Variants in AK4 observed in about 807,000 individuals in gnomAD.
AK4 encodes adenylate kinase 4, mitochondrial.
Under a neutral mutation model 24.6 loss-of-function variants are expected in AK4, and 13 were observed. The observed-to-expected ratio is 0.53, with a 90% CI of 0.34 to 0.84. AK4 has a LOEUF of 0.84. AK4 is among the 40% of genes least tolerant of loss of function. The pLI is 0.01. For missense variants in AK4, 192 were observed against 288.2 expected, an observed-to-expected ratio of 0.67 and a Z score of 2.42; for synonymous variants, 88 against 107.0, an observed-to-expected ratio of 0.82 and a Z score of 1.10.
intron 1 of AK4, among the ~76,000 whole-genome samples, chr1:65,184,864 A>G (rs1338434626): frequency 6.6e-6 from 1 of 152,168 alleles, no homozygotes; most frequent in Non-Finnish European, 1.5e-5. Context: ...GTAGAGATTG[A>G]GATATGTGGG....
intron 1 of AK4, among the ~76,000 whole-genome samples, 165 bp from the exon 2 acceptor site, chr1:65,190,545 C>T (rs1651272339): frequency 6.6e-6 from 1 of 152,128 alleles, no homozygotes; most frequent in Admixed American, 6.6e-5. Context: ...GCAACAGTCC[C>T]ACCTTATTGA....
At chr1:65,148,180 C>A, upstream of AK4, 1 of 891,992 alleles carries the variant, frequency 1.1e-6, no homozygotes, top group Non-Finnish European at 1.6e-6. Context: ...TGGAGAAGGG[C>A]GGGGAGGTGT....
In AK4 at chr1:65,229,492, C is replaced by G. The variant is rs879819930; in HGVS notation, c.*3315C>G. On this transcript the variant is annotated 3_prime_UTR_variant, in exon 5 of 5. Transcript: ENST00000327299. ...GAGGCTGCAGTGAGCTATGATTGCACCTCTGCACCCAAGCCTGGGCGACAC... is the reference window on the plus strand; with the variant it reads ...GAGGCTGCAGTGAGCTATGATTGCAGCTCTGCACCCAAGCCTGGGCGACAC... 6.6e-6 allele frequency: 1 copy of G among 151,900 alleles called. No individual in the cohort carries two copies. The highest frequency in any genetic ancestry group is 1.5e-5 in the Non-Finnish European group (1 of 68,034). The allele number at this position is 151,900 out of a possible 1,614,324, so 9.4% of individuals were successfully genotyped here. A position where few individuals can be genotyped will look rare whatever the true frequency, so the allele number is the denominator to read the frequency against.
intron 1 of AK4, among the ~76,000 whole-genome samples, chr1:65,152,374 A>C (rs1193601779): frequency 8.7e-5 from 6 of 69,004 alleles, no homozygotes; most frequent in African/African-American, 2.9e-4. Flanking sequence ...ATATATATAT[A>C]TATATATATA....
At chr1:65,148,636 C>T (rs543307867) in intron 1 of AK4, 84 bp downstream of exon 1, 4 of 1,423,754 alleles carry the variant, frequency 2.8e-6, no homozygotes, top group African/African-American at 2.9e-5. Flanking sequence ...TCCCGGATCA[C>T]GGCGCCCTTC....
chr1:65,215,932 A>G (rs927342677), intron 2 of AK4, among the ~76,000 whole-genome samples: 2 of 152,138 alleles, frequency 1.3e-5, no homozygotes, highest in Non-Finnish European at 2.9e-5. Flanking sequence ...TATCCGATAT[A>G]AAGACTGTTT....
At chr1:65,152,476 C>T (rs1649831021) in intron 1 of AK4, among the ~76,000 whole-genome samples, 1 of 141,754 alleles carries the variant, frequency 7.1e-6, no homozygotes, top group Non-Finnish European at 1.5e-5. Flanking sequence ...AGTCTCGGCT[C>T]ACTGCAGCCT....
At chr1:65,174,655 TA>T (rs1650652238) in intron 1 of AK4, among the ~76,000 whole-genome samples, 1 of 152,178 alleles carries the variant, frequency 6.6e-6, no homozygotes, top group South Asian at 2.1e-4. Flanking sequence ...AACAAAGAAT[TA>T]CGGTGTGAGA....
chr1:65,172,104 T>TATATATATATATATATATA (rs1650555237), intron 1 of AK4, among the ~76,000 whole-genome samples: 2 of 108,278 alleles, frequency 1.8e-5, no homozygotes, highest in Non-Finnish European at 3.9e-5. Context: ...TATATATATA[T>TATATATATATATATATATA]TTAAACTCAT....
chr1:65,201,415 G>A (rs556489513), intron 2 of AK4, among the ~76,000 whole-genome samples: 93 of 152,308 alleles, frequency 6.1e-4, no homozygotes, highest in African/African-American at 1.9e-3. Context: ...CTTATCTTAT[G>A]TGTGTCTCAG....
chr1:65,154,544 G>T, intron 1 of AK4: 1 of 525,392 alleles, frequency 1.9e-6, no homozygotes, highest in Non-Finnish European at 3.8e-6. Flanking sequence ...CGCTCTTGTC[G>T]CGTCTGTTCA....
chr1:65,150,601 A>G (rs1306482766), intron 1 of AK4, among the ~76,000 whole-genome samples: 1 of 152,180 alleles, frequency 6.6e-6, no homozygotes, highest in Admixed American at 6.5e-5. Flanking sequence ...GGTAAATAAA[A>G]CATTCCTTTC....
intron 1 of AK4, among the ~76,000 whole-genome samples, chr1:65,164,818 A>G (rs1052356964): frequency 1.3e-5 from 2 of 152,208 alleles, no homozygotes; most frequent in Admixed American, 1.3e-4. Flanking sequence ...ACCATTGCCT[A>G]ATCCACAGTG....
intron 2 of AK4, among the ~76,000 whole-genome samples, chr1:65,202,858 T>C (rs1651702288): frequency 7.3e-6 from 1 of 136,638 alleles, no homozygotes; most frequent in Non-Finnish European, 1.5e-5. Flanking sequence ...TACAAGCTGC[T>C]GTGTAGTCTT....
intron 1 of AK4, among the ~76,000 whole-genome samples, chr1:65,157,949 TG>T (rs1246472063): frequency 1.3e-5 from 2 of 152,200 alleles, no homozygotes; most frequent in African/African-American, 4.8e-5. Flanking sequence ...AAAGATGGCA[TG>T]GTCATTGTCA....
intron 1 of AK4, among the ~76,000 whole-genome samples, chr1:65,187,018 C>G (rs2101034861): frequency 6.6e-6 from 1 of 152,098 alleles, no homozygotes; most frequent in African/African-American, 2.4e-5. Flanking sequence ...AAACATTAAG[C>G]TAAGTGAAAG....
At chr1:65,170,123 T>TC (rs1178375232) in intron 1 of AK4, among the ~76,000 whole-genome samples, 5 of 152,150 alleles carry the variant, frequency 3.3e-5, no homozygotes, top group African/African-American at 1.2e-4. Flanking sequence ...ACGCCTGTAA[T>TC]CCCAGCACTT....
intron 1 of AK4, among the ~76,000 whole-genome samples, chr1:65,189,807 G>A (rs1651234314): frequency 6.6e-6 from 1 of 152,196 alleles, no homozygotes; most frequent in South Asian, 2.1e-4. Flanking sequence ...TCTCCTGAAA[G>A]TATTTATGTG....
rs145284554 is a variant in AK4, at chr1:65,176,706, C to G, written c.146-14004C>G. Among the ~76,000 whole-genome samples, 414 of 152,182 alleles carry G rather than the reference C, an allele frequency of 2.7e-3. 1 individual carries two copies. Among genetic ancestry groups the G allele is most frequent in the Admixed American group, 6.9e-3 (106 of 15,292 alleles). ...AGCAGAGGTCGAACGGTCTACCTCT[C>G]TCTTGCAGATGAGGAAACTTGAGGC... On this transcript the variant is annotated intron_variant, in intron 1 of 4. Transcript: ENST00000327299.
Sources: gnomAD v4.1 joint callset for allele counts (sites outside exome capture counted in the v4.1 genomes callset) on GRCh38, gnomAD v4.1.1 for gene constraint, MANE v1.5 for transcripts, NCBI Gene and HGNC (gene_info 2026-07-23, HGNC 2026-07-21) for gene names.